The following SHMT1 variants were observed in gnomAD, a reference collection of about 807,000 sequenced individuals.
The protein encoded by SHMT1 is serine hydroxymethyltransferase 1.
A neutral mutation model predicts 49.0 loss-of-function variants in SHMT1; 45 were observed. The observed-to-expected ratio is 0.92, with a 90% CI of 0.72 to 1.18. SHMT1 has a LOEUF of 1.18. Among genes scored for constraint, SHMT1 ranks in the 50% most tolerant of loss-of-function variants. The pLI is 0.00. For missense variants in SHMT1, 541 were observed against 612.4 expected (o/e 0.88, Z 1.23); for synonymous variants, 232 against 246.6 (o/e 0.94, Z 0.55).
In SHMT1 at chr17:18,328,678, C is replaced by A. The variant is rs1473265053; in HGVS notation, c.*72G>T. ...TTCCCCTTTGGAGCAGCTCATCCAT[C>A]TCTCAGGTGGGGGTCCTCCGGCAGG... On this transcript the variant is annotated 3_prime_UTR_variant, in exon 12 of 12. Coordinates refer to ENST00000316694, the MANE Select transcript of SHMT1 (RefSeq NM_004169.5). 5 of 1,513,220 alleles carry A rather than the reference C, an allele frequency of 3.3e-6. No individual in the cohort carries two copies. The highest frequency in any genetic ancestry group is 4.5e-6 in the Non-Finnish European group (5 of 1,118,982). The allele number at this position is 1,513,220 out of a possible 1,614,324, so 93.7% of individuals were successfully genotyped here.
chr17:18,345,882 A>T (rs1392779123), intron 5 of SHMT1, among the ~76,000 whole-genome samples: 1 of 148,558 alleles, frequency 6.7e-6, no homozygotes. Context: ...GGGTTTGAAC[A>T]TGTTGGCCAG....
In SHMT1 at chr17:18,335,616, TA is replaced by T. The variant is rs1983703828; in HGVS notation, c.873del (p.Ile292SerfsTer25). The T allele has an allele frequency of 6.2e-7, 1 of 1,614,060 alleles. No individual in the cohort carries two copies. Among genetic ancestry groups the T allele is most frequent in the African/African-American group, 1.3e-5 (1 of 74,924 alleles). ...AGGCCAGGGAACACAGCAGAATTGA[TA>T]AGAGACTCCAGGTTGTACAGAATCT... ...GKEILYNLES[L>X]INSAVFPGLQ... On this transcript the variant is annotated frameshift_variant, in exon 8 of 12. Transcript: ENST00000316694. LOFTEE classifies it high-confidence loss of function.
chr17:18,347,914 G>GTT (rs753251331), intron 4 of SHMT1, among the ~76,000 whole-genome samples: 44 of 137,576 alleles, frequency 3.2e-4, no homozygotes, highest in South Asian at 9.4e-4. Context: ...ATTTATGGCA[G>GTT]TTTTTTTTTT....
intron 7 of SHMT1, among the ~76,000 whole-genome samples, chr17:18,337,766 G>GTT (rs1327693614): frequency 6.6e-6 from 1 of 152,206 alleles, no homozygotes; most frequent in Non-Finnish European, 1.5e-5. Flanking sequence ...TGGAGACGGG[G>GTT]TTTTGCTGTG....
chr17:18,329,033 C>A (rs1359448366), intron 11 of SHMT1, 114 bp from the exon 12 acceptor site: 3 of 1,339,408 alleles, frequency 2.2e-6, no homozygotes, highest in Non-Finnish European at 2.1e-6. Flanking sequence ...TGTGGCAGGG[C>A]ACAAGGTCTC....
At position 18,340,242 on chromosome 17, in the gene SHMT1, G is replaced by GTA; in HGVS notation, c.613_614dup (p.Ser206ThrfsTer47). 1.9e-6 allele frequency: 3 copies of GTA among 1,614,122 alleles called. No individual in the cohort carries two copies. Among genetic ancestry groups the GTA allele is most frequent in the Non-Finnish European group, 2.5e-6 (3 of 1,179,970 alleles). ...GCCGGGCATATTCCAGGTTTCGGGA[G>GTA]TAGCAGCTGGTTCCTGAGACAGGAA... is the stretch of plus-strand genomic sequence containing the variant. On this transcript the variant is annotated frameshift_variant, in exon 7 of 12. Transcript: ENST00000316694. LOFTEE classifies it high-confidence loss of function. This position sits in a 1 kb window ranked among gnomAD's most constrained non-coding sequence, Gnocchi z 4.5.
intron 2 of SHMT1, among the ~76,000 whole-genome samples, chr17:18,355,468 A>C (rs1187678485): frequency 6.6e-6 from 1 of 152,000 alleles, no homozygotes; most frequent in African/African-American, 2.4e-5. Context: ...TGAACCCAGG[A>C]GGTGGAGGTT....
chr17:18,347,185 G>A (rs1323588026), intron 5 of SHMT1, among the ~76,000 whole-genome samples: 1 of 152,222 alleles, frequency 6.6e-6, no homozygotes, highest in Non-Finnish European at 1.5e-5. Flanking sequence ...TCCAACTGTA[G>A]TGACCTGGTT....
intron 1 of SHMT1, among the ~76,000 whole-genome samples, chr17:18,357,439 C>G (rs4924750): frequency 0.25 from 37,746 of 151,766 alleles, 5,012 homozygotes; most frequent in Non-Finnish European, 0.29. Flanking sequence ...TTGGGACACA[C>G]AAGTTAATGA....
At chr17:18,329,479 C>G in intron 10 of SHMT1, 91 bp from the exon 11 acceptor site, 1 of 1,016,908 alleles carries the variant, frequency 9.8e-7, no homozygotes, top group Non-Finnish European at 1.5e-6. Context: ...CAAAAGAGAA[C>G]TGGCCTGAGG....
intron 3 of SHMT1, among the ~76,000 whole-genome samples, chr17:18,351,281 C>T (rs1040311126): frequency 6.6e-6 from 1 of 152,008 alleles, no homozygotes; most frequent in Admixed American, 6.5e-5. Flanking sequence ...GCTGGGACTA[C>T]AGGCGCCAGC....
At chr17:18,333,902 C>T (rs1243315397) in intron 8 of SHMT1, among the ~76,000 whole-genome samples, 1 of 152,198 alleles carries the variant, frequency 6.6e-6, no homozygotes, top group African/African-American at 2.4e-5. Context: ...ATCTCAGTCT[C>T]CCGAGTAGGT....
Position 18,355,050 on chromosome 17 carries a change from C to CA in SHMT1, c.96+835dup, listed in dbSNP as rs768492183. 3.9e-3 allele frequency among the ~76,000 whole-genome samples: 95 copies of CA among 24,462 alleles called. 12 individuals are homozygous for CA. The highest frequency in any genetic ancestry group is 5.8e-3 in the East Asian group (3 of 514). 16.0% of individuals were successfully genotyped at this position (24,462 alleles called of 152,430 possible). On this transcript the variant is annotated intron_variant, in intron 2 of 11. Coordinates refer to ENST00000316694, the MANE Select transcript of SHMT1 (RefSeq NM_004169.5). ...TGAGCAACAGAGCAAGACTATATCT[C>CA]AAAAAAAAAAAAAAAAAAAAAAAAA...
intron 2 of SHMT1, 54 bp from the exon 3 acceptor site, chr17:18,353,871 G>C (rs1253075386): frequency 6.5e-7 from 1 of 1,547,496 alleles, no homozygotes; most frequent in Non-Finnish European, 8.9e-7. Context: ...TTAAAATTTT[G>C]CTCTGATCCA....
At chr17:18,343,495 C>A (rs960963809) in intron 5 of SHMT1, among the ~76,000 whole-genome samples, 1 of 149,404 alleles carries the variant, frequency 6.7e-6, no homozygotes, top group Admixed American at 6.8e-5. Flanking sequence ...GCAGTCCTAG[C>A]GATTCAGGAA....
chr17:18,342,403 A>C (rs1037320655), intron 5 of SHMT1, among the ~76,000 whole-genome samples: 1 of 151,406 alleles, frequency 6.6e-6, no homozygotes. Context: ...TGCAACCTCT[A>C]CCTCCCAGGC....
chr17:18,329,144 T>C, intron 11 of SHMT1, 134 bp downstream of exon 11: 2 of 887,916 alleles, frequency 2.3e-6, no homozygotes, highest in Non-Finnish European at 3.6e-6. Context: ...TACATGTGTT[T>C]TTTGCTGTCT....
chr17:18,348,630 C>CA (rs1161120020), intron 3 of SHMT1, 190 bp from the exon 4 acceptor site: 2 of 706,102 alleles, frequency 2.8e-6, no homozygotes, highest in Non-Finnish European at 5.3e-6. Flanking sequence ...AATCTACAGT[C>CA]AAGAGACCAA....
At chr17:18,347,460 A>C (rs983435326) in intron 5 of SHMT1, 36 bp downstream of exon 5, 1 of 1,611,328 alleles carries the variant, frequency 6.2e-7, no homozygotes, top group African/African-American at 1.3e-5. Context: ...GAGGTTTCCC[A>C]AGGAAATAAA....
Sources: allele counts gnomAD v4.1 joint callset (sites outside exome capture counted in the v4.1 genomes callset), GRCh38; gene constraint gnomAD v4.1.1; non-coding constraint Gnocchi (gnomAD v3.1); transcripts MANE v1.5; gene names NCBI Gene and HGNC (gene_info 2026-07-23, HGNC 2026-07-21).